CRTC3: variants seen among roughly 807,000 people sequenced by gnomAD.
CRTC3 encodes CREB regulated transcription coactivator 3.
Under a neutral mutation model 74.5 loss-of-function variants are expected in CRTC3, and 26 were observed. The ratio of observed to expected loss-of-function variants is 0.35; its 90% confidence interval spans 0.26 to 0.48. The LOEUF (loss-of-function observed/expected upper bound fraction) is 0.48. CRTC3 is among the 20% of genes least tolerant of loss of function. The pLI is 0.99. For missense variants in CRTC3, 760 were observed against 787.3 expected, an observed-to-expected ratio of 0.97 and a Z score of 0.41; for synonymous variants, 377 against 325.8, an observed-to-expected ratio of 1.16 and a Z score of -1.69.
rs889075858 is a variant in CRTC3, at chr15:90,645,065, T to G, written c.*2925T>G. 2 of 230,978 alleles carry G rather than the reference T, an allele frequency of 8.7e-6. No homozygotes were observed. The highest frequency in any genetic ancestry group is 4.4e-5 in the African/African-American group (2 of 45,174). 14.3% of individuals were successfully genotyped at this position (230,978 alleles called of 1,614,324 possible). ...CTGCTGTATATTACCTGAGCTGGTG[T>G]TGTATCTTCAAGTCCATATGCGTAT... On this transcript the variant is annotated 3_prime_UTR_variant, in exon 15 of 15. Coordinates refer to ENST00000268184, the MANE Select transcript of CRTC3 (RefSeq NM_022769.5).
intron 10 of CRTC3, among the ~76,000 whole-genome samples, chr15:90,628,548 C>G (rs970798854): frequency 3.3e-5 from 5 of 152,226 alleles, no homozygotes; most frequent in Non-Finnish European, 5.9e-5. Flanking sequence ...CCCTAGCAGC[C>G]TATGCTGCAA....
At chr15:90,633,131 T>G (rs1489604089) in intron 11 of CRTC3, among the ~76,000 whole-genome samples, 4 of 152,216 alleles carry the variant, frequency 2.6e-5, no homozygotes, top group African/African-American at 9.6e-5. Flanking sequence ...ATAGTTACAA[T>G]GTAGTCAGAG....
At chr15:90,564,115 C>G (rs750780273) in intron 2 of CRTC3, among the ~76,000 whole-genome samples, 13 of 152,178 alleles carry the variant, frequency 8.5e-5, no homozygotes, top group African/African-American at 3.1e-4. Flanking sequence ...TAAACAATTT[C>G]CCTGCATCAC....
rs767206398 is a variant in CRTC3 at position 90,641,209 on chromosome 15, C to T, written c.1651+10C>T. 5 of 1,565,070 alleles carry T rather than the reference C, an allele frequency of 3.2e-6. No homozygotes were observed. In the South Asian group the frequency reaches 3.3e-5, roughly 10 times the overall value. On this transcript the variant is annotated intron_variant, in intron 14 of 14. Coordinates refer to ENST00000268184, the MANE Select transcript of CRTC3 (RefSeq NM_022769.5). ...AACACCATCCTGCCAGGTGAGCGAG[C>T]TATCCCTCAGCTTCTTTACTGCTTT...
At chr15:90,634,556 T>G (rs982648305) in intron 11 of CRTC3, among the ~76,000 whole-genome samples, 3 of 152,220 alleles carry the variant, frequency 2.0e-5, no homozygotes, top group African/African-American at 7.2e-5. Context: ...TGCACACATC[T>G]TTCCAAGATT....
At chr15:90,638,163 G>T in intron 11 of CRTC3, 1 of 335,022 alleles carries the variant, frequency 3.0e-6, no homozygotes, top group East Asian at 5.0e-5. Context: ...AACAAAACAT[G>T]ATTTTCACGG....
intron 14 of CRTC3, among the ~76,000 whole-genome samples, chr15:90,641,685 C>CAAAAAAAAAAAAAAAAAAAA (rs11294553): frequency 8.3e-5 from 11 of 132,912 alleles, no homozygotes; most frequent in African/African-American, 2.8e-4. Flanking sequence ...CAACAGTCTC[C>CAAAAAAAAAAAAAAAAAAAA]AAAAAAAAAA....
rs1969331497 is a variant in CRTC3, at chr15:90,638,724, A to G, written c.1468-11A>G. ...TTCCAAGCTAAATGATCATCTCCTTATTCCCTGAAGGGCTCATCTTTGACC... is the reference window on the plus strand; with the variant it reads ...TTCCAAGCTAAATGATCATCTCCTTGTTCCCTGAAGGGCTCATCTTTGACC... On this transcript the variant is annotated splice_polypyrimidine_tract_variant and intron_variant, in intron 12 of 14. Transcript: ENST00000268184. The G allele has an allele frequency of 1.2e-6, 2 of 1,613,912 alleles. No individual in the cohort carries two copies. Among genetic ancestry groups the G allele is most frequent in the East Asian group, 2.2e-5 (1 of 44,876 alleles).
At chr15:90,551,536 C>T (rs1328392718) in intron 2 of CRTC3, among the ~76,000 whole-genome samples, 1 of 152,204 alleles carries the variant, frequency 6.6e-6, no homozygotes, top group Admixed American at 6.5e-5. Flanking sequence ...ACAGCACTGC[C>T]CCCTATTTTG....
At chr15:90,609,192 G>A (rs1224258204) in intron 6 of CRTC3, among the ~76,000 whole-genome samples, 2 of 152,222 alleles carry the variant, frequency 1.3e-5, no homozygotes, top group East Asian at 1.9e-4. Flanking sequence ...TTGTTTGCTT[G>A]TAAACTATGG....
intron 2 of CRTC3, among the ~76,000 whole-genome samples, chr15:90,548,224 A>C (rs1966848062): frequency 6.6e-6 from 1 of 152,166 alleles, no homozygotes; most frequent in Non-Finnish European, 1.5e-5. Flanking sequence ...AGTCCTTTCA[A>C]ATCATATCAC....
intron 2 of CRTC3, among the ~76,000 whole-genome samples, chr15:90,550,463 A>G (rs1231532967): frequency 3.8e-5 from 2 of 53,138 alleles, no homozygotes; most frequent in Non-Finnish European, 8.4e-5. Context: ...TTTTTTTTTG[A>G]GTCTATAAAA....
intron 2 of CRTC3, among the ~76,000 whole-genome samples, chr15:90,577,027 GTTTTT>G (rs1967421825): frequency 3.2e-5 from 2 of 61,948 alleles, no homozygotes; most frequent in African/African-American, 2.0e-4. Flanking sequence ...CCATTTGTTT[GTTTTT>G]TGTTTTGTTT....
Position 90,641,122 on chromosome 15 carries a change from G to T in CRTC3, c.1574G>T (p.Arg525Leu). The change falls in exon 14 of 15, where the codon CGA (arginine) becomes CTA (leucine). Residue 525 changes from arginine to leucine, a missense_variant. By Grantham distance (102) the Arg-to-Leu change is moderately radical. Around this residue, in one of 2 missense-constraint regions of CRTC3, gnomAD observed 652 missense variants for 635.2 expected, o/e 1.03. Transcript: ENST00000268184. ...QQVPLVQQGS[R>L]ELQDSFHLRP... ...GTGCCTCTGGTGCAACAAGGTTCCC[G>T]AGAACTGCAGGACTCTTTTCATTTG... The T allele has an allele frequency of 6.2e-7, 1 of 1,613,902 alleles. No homozygotes were observed. Among genetic ancestry groups the T allele is most frequent in the East Asian group, 2.2e-5 (1 of 44,882 alleles).
intron 3 of CRTC3, chr15:90,594,602 C>A (rs1967876629): frequency 6.6e-6 from 1 of 152,182 alleles, no homozygotes; most frequent in Non-Finnish European, 1.5e-5. Flanking sequence ...GCTTCACAAG[C>A]CTAGAAACCA....
chr15:90,603,270 C>T lies in CRTC3; in HGVS notation c.413+885C>T, dbSNP rs181481975. Among the ~76,000 whole-genome samples, 46 of 148,960 alleles carry T rather than the reference C, an allele frequency of 3.1e-4. No individual in the cohort carries two copies. The East Asian group carries it at 5.5e-3, about 18-fold the overall frequency. ...CATCCTCGCTAACACGGTGAAACCC[C>T]GTCTCCACTAAAAATACAAAAAAGT... On this transcript the variant is annotated intron_variant, in intron 4 of 14. Transcript: ENST00000268184.
chr15:90,613,185 GAAAAAAAAAAAAA>G (rs34111646), intron 6 of CRTC3, among the ~76,000 whole-genome samples: 1 of 114,190 alleles, frequency 8.8e-6, no homozygotes, highest in South Asian at 3.0e-4. Flanking sequence ...TCTGTCTCGG[GAAAAAAAAAAAAA>G]AAAAAAAAAA....
At position 90,619,590 on chromosome 15, in the gene CRTC3, A is replaced by G. The variant is rs1968585840; in HGVS notation, c.700-151A>G. 3 of 676,362 alleles carry G rather than the reference A, an allele frequency of 4.4e-6. No individual in the cohort carries two copies. In the East Asian group the frequency reaches 8.0e-5, roughly 18 times the overall value. 41.9% of individuals were successfully genotyped at this position (676,362 alleles called of 1,614,324 possible). A position where few individuals can be genotyped will look rare whatever the true frequency, so the allele number is the denominator to read the frequency against. ...AGTTTGAGTTTAAAAAAGTCATGCC[A>G]AAACCTAAAAGGCTGCTGTGTGAGG... is the stretch of plus-strand genomic sequence containing the variant. On this transcript the variant is annotated intron_variant, in intron 8 of 14. Coordinates refer to ENST00000268184, the MANE Select transcript of CRTC3 (RefSeq NM_022769.5).
rs148803669 is a variant in CRTC3 at position 90,590,150 on chromosome 15, G to A, written c.232-3486G>A. ...TACTAAAAATACAAAAAAATTAGCC[G>A]GGAGTGGTGGCATGTTCCTGTAATC... On this transcript the variant is annotated intron_variant, in intron 2 of 14. Transcript: ENST00000268184. Among the ~76,000 whole-genome samples, 114 of 151,814 alleles carry A rather than the reference G, an allele frequency of 7.5e-4. 1 individual carries two copies. The highest frequency in any genetic ancestry group is 2.7e-3 in the African/African-American group (112 of 41,408).
Sources: allele counts gnomAD v4.1 joint callset (sites outside exome capture counted in the v4.1 genomes callset), GRCh38; gene constraint gnomAD v4.1.1; regional missense constraint gnomAD v4.1.1; transcripts MANE v1.5; gene names NCBI Gene and HGNC (gene_info 2026-07-23, HGNC 2026-07-21).